The following STOX2 variants were observed in gnomAD, a reference collection of about 807,000 sequenced individuals.
The protein encoded by STOX2 is storkhead-box protein 2.
In STOX2, 28 loss-of-function variants were observed where a neutral mutation model predicts 60.9. The observed-to-expected ratio is 0.46, with a 90% CI of 0.34 to 0.63. The LOEUF (loss-of-function observed/expected upper bound fraction) is 0.63, where lower values mean the gene tolerates loss of function less well. Among genes scored for constraint, STOX2 ranks in the 30% least tolerant of loss-of-function variants. The pLI is 0.01. For synonymous variants in STOX2, 472 were observed against 463.9 expected (o/e 1.02, Z -0.22); for missense variants, 1,024 against 1,187.7 (o/e 0.86, Z 2.03).
intron 1 of STOX2, among the ~76,000 whole-genome samples, chr4:183,845,880 T>C (rs953022675): frequency 6.6e-6 from 1 of 152,244 alleles, no homozygotes; most frequent in African/African-American, 2.4e-5. Flanking sequence ...TATGTACTTA[T>C]GTAGTGTACT....
chr4:183,901,652 T>C (rs1741464194), upstream of STOX2, among the ~76,000 whole-genome samples: 1 of 151,938 alleles, frequency 6.6e-6, no homozygotes, highest in African/African-American at 2.4e-5. Context: ...TGGTATCTCA[T>C]TGTAGTTTTG....
intron 1 of STOX2, among the ~76,000 whole-genome samples, chr4:183,937,509 G>A (rs1448588048): frequency 1.3e-5 from 2 of 152,200 alleles, no homozygotes; most frequent in Non-Finnish European, 2.9e-5. Flanking sequence ...GCTGCTCAGA[G>A]TGGGGTCGGC....
chr4:183,939,025 A>C (rs6820845), intron 1 of STOX2, among the ~76,000 whole-genome samples: 27,798 of 152,210 alleles, frequency 0.18, 4,883 homozygotes, highest in African/African-American at 0.44. Flanking sequence ...TCCTTGCTAC[A>C]TACGGAATAG....
intron 1 of STOX2, among the ~76,000 whole-genome samples, chr4:183,946,490 G>A (rs11945706): frequency 0.071 from 10,781 of 152,152 alleles, 1,131 homozygotes; most frequent in African/African-American, 0.23. Context: ...CTCCATATCT[G>A]TGGGTTCTGC....
At chr4:183,961,690 T>C (rs1743419213) in intron 1 of STOX2, among the ~76,000 whole-genome samples, 1 of 152,244 alleles carries the variant, frequency 6.6e-6, no homozygotes, top group Non-Finnish European at 1.5e-5. Context: ...TAGTGTACAC[T>C]GTACCCAGTA....
chr4:183,825,269 G>C lies in STOX2; in HGVS notation c.364+27214G>C, dbSNP rs907059678. On this transcript the variant is annotated intron_variant, in intron 1 of 2. Transcript: ENST00000513034. This position sits in a 1 kb window ranked among gnomAD's most constrained non-coding sequence, Gnocchi z 4.1. ...TTGAGCTAATTATGCATGAGGAGGA[G>C]AGGCTGTGGGCGAGGAAGGAAGGAC... 1.3e-5 allele frequency among the ~76,000 whole-genome samples: 2 copies of C among 152,170 alleles called. No homozygotes were observed. The highest frequency in any genetic ancestry group is 2.4e-5 in the African/African-American group (1 of 41,448).
chr4:183,909,938 G>C (rs1242823335), intron 1 of STOX2, among the ~76,000 whole-genome samples: 2 of 152,208 alleles, frequency 1.3e-5, no homozygotes, highest in African/African-American at 4.8e-5. Context: ...GCGAGCTCTT[G>C]CAAAAGGACA....
At chr4:183,831,425 C>T (rs1739565307) in intron 1 of STOX2, among the ~76,000 whole-genome samples, 2 of 151,796 alleles carry the variant, frequency 1.3e-5, no homozygotes, top group Non-Finnish European at 2.9e-5. Context: ...TACCAGAAAA[C>T]ACAAATAATT....
At chr4:183,957,474 G>A (rs1268321893) in intron 1 of STOX2, among the ~76,000 whole-genome samples, 1 of 150,278 alleles carries the variant, frequency 6.7e-6, no homozygotes, top group Admixed American at 6.6e-5. Flanking sequence ...ATGAATTGAT[G>A]TTCATTTGTT....
chr4:183,943,706 G>C (rs531277058), intron 1 of STOX2, among the ~76,000 whole-genome samples: 2 of 152,044 alleles, frequency 1.3e-5, no homozygotes, highest in Non-Finnish European at 2.9e-5. Context: ...GTGAAACCCC[G>C]TCTCTACTAA....
chr4:183,949,338 CTTTT>C (rs150639141), intron 1 of STOX2, among the ~76,000 whole-genome samples: 4,828 of 152,178 alleles, frequency 0.032, 268 homozygotes, highest in African/African-American at 0.11. Flanking sequence ...CATTTTTTCT[CTTTT>C]TGTCTTTGAT....
intron 2 of STOX2, among the ~76,000 whole-genome samples, chr4:184,002,071 C>G (rs919294840): frequency 6.6e-6 from 1 of 152,194 alleles, no homozygotes; most frequent in African/African-American, 2.4e-5. Context: ...AATGCAGGAC[C>G]CTCTTTCAAG....
At chr4:183,997,174 G>A (rs1733379283) in intron 1 of STOX2, among the ~76,000 whole-genome samples, 1 of 152,162 alleles carries the variant, frequency 6.6e-6, no homozygotes, top group Non-Finnish European at 1.5e-5. Flanking sequence ...TGATGGAATG[G>A]CAGTAGACCA....
intron 1 of STOX2, among the ~76,000 whole-genome samples, chr4:183,951,004 A>G (rs965407247): frequency 3.3e-5 from 5 of 152,018 alleles, no homozygotes; most frequent in African/African-American, 9.7e-5. Flanking sequence ...TCACGAGGTC[A>G]GGAGATCGAG....
At chr4:183,850,962 G>C (rs1740109501) in intron 1 of STOX2, among the ~76,000 whole-genome samples, 1 of 143,320 alleles carries the variant, frequency 7.0e-6, no homozygotes, top group Non-Finnish European at 1.5e-5. Flanking sequence ...GAAACGATGA[G>C]GGAAAGGATG....
intron 1 of STOX2, among the ~76,000 whole-genome samples, chr4:183,852,476 AGAAAGGATGAGGGAAAGGATGAGG>A (rs1553968115): frequency 6.5e-4 from 1 of 1,530 alleles, no homozygotes; most frequent in African/African-American, 2.0e-3. Context: ...AAAGGATGAG[AGAAAGGATGAGGGAAAGGATGAGG>A]GAAAGGATGA....
intron 1 of STOX2, among the ~76,000 whole-genome samples, chr4:183,885,718 A>G (rs944797450): frequency 1.3e-5 from 2 of 152,208 alleles, no homozygotes; most frequent in Non-Finnish European, 2.9e-5. Flanking sequence ...CTGGTGTTTA[A>G]TGCTCTTACT....
chr4:183,967,141 T>C (rs1743597406), intron 1 of STOX2, among the ~76,000 whole-genome samples: 1 of 151,998 alleles, frequency 6.6e-6, no homozygotes, highest in Non-Finnish European at 1.5e-5. Flanking sequence ...GGTGGGCGGA[T>C]CACCTGAGGT....
chr4:183,876,700 G>C (rs1740837445), intron 1 of STOX2, among the ~76,000 whole-genome samples: 1 of 152,182 alleles, frequency 6.6e-6, no homozygotes, highest in South Asian at 2.1e-4. Flanking sequence ...CCTCTCTGCT[G>C]CCCAGCCCTG....
Sources: allele counts gnomAD v4.1 joint callset (sites outside exome capture counted in the v4.1 genomes callset), GRCh38; gene constraint gnomAD v4.1.1; non-coding constraint Gnocchi (gnomAD v3.1); transcripts MANE v1.5; gene names NCBI Gene and HGNC (gene_info 2026-07-23, HGNC 2026-07-21).